SUSD1: variants seen among roughly 807,000 people sequenced by gnomAD.
The protein encoded by SUSD1 is sushi domain containing 1.
SUSD1 carries 65 observed loss-of-function variants against 86.9 expected under a neutral mutation model. The ratio of observed to expected loss-of-function variants is 0.75; its 90% CI spans 0.61 to 0.92. SUSD1 has a LOEUF of 0.92. Among genes scored for constraint, SUSD1 ranks in the 40% least tolerant of loss-of-function variants. SUSD1 has a pLI of 0.00. For missense variants in SUSD1, 850 were observed against 929.7 expected (o/e 0.91, Z 1.11); for synonymous variants, 346 against 350.0 (o/e 0.99, Z 0.13).
At chr9:112,155,965 GAAGGA>G (rs936248188) in intron 2 of SUSD1, among the ~76,000 whole-genome samples, 6 of 150,554 alleles carry the variant, frequency 4.0e-5, no homozygotes, top group African/African-American at 1.2e-4. Flanking sequence ...GGAAGGAAAA[GAAGGA>G]AAGGAGAGAG....
chr9:112,150,079 T>C (rs956585547), intron 2 of SUSD1, among the ~76,000 whole-genome samples: 2 of 152,210 alleles, frequency 1.3e-5, no homozygotes, highest in Non-Finnish European at 2.9e-5. Context: ...ATCTCTGCCC[T>C]CTAGCTCAGG....
chr9:112,078,511 A>T lies in SUSD1; in HGVS notation c.1753+27T>A. 2.5e-6 allele frequency: 4 copies of T among 1,590,688 alleles called. No individual in the cohort carries two copies. The South Asian group carries it at 3.3e-5, about 13-fold the overall frequency. On this transcript the variant is annotated intron_variant, in intron 12 of 16. Coordinates refer to ENST00000374270, the MANE Select transcript of SUSD1 (RefSeq NM_022486.5). The stretch of plus-strand genomic sequence containing the variant: ...GAACAATTCTGTGGTAACTTTGTTA[A>T]TCCAAATGCTGTTATTCAAGATTTA...
chr9:112,098,662 A>G lies in SUSD1; in HGVS notation c.1282T>C (p.Phe428Leu), dbSNP rs908888974. 1 of 1,614,166 alleles carries G rather than the reference A, an allele frequency of 6.2e-7. No individual in the cohort carries two copies. Among genetic ancestry groups the G allele is most frequent in the African/African-American group, 1.3e-5 (1 of 75,064 alleles). Residue 428 changes from phenylalanine (F) to leucine (L), a missense_variant and splice_region_variant, in exon 10 of 17, where the codon TTT becomes CTT. Coordinates refer to ENST00000374270, the MANE Select transcript of SUSD1 (RefSeq NM_022486.5). ...TACCACCTCTGACCCAGAACGGTAA[A>G]CTGTCATGAGATTAAAAGAAAGTGT... ...RKVGSEHMYQFTVLGQRWYLA... is the reference protein window; with the variant it reads ...RKVGSEHMYQLTVLGQRWYLA...
At chr9:112,137,881 A>G (rs1476651692) in intron 5 of SUSD1, 2 of 152,118 alleles carry the variant, frequency 1.3e-5, no homozygotes, top group Non-Finnish European at 2.9e-5. Flanking sequence ...ATGCAAATGC[A>G]TTAAGCATTC....
chr9:112,118,998 G>T (rs937587086), intron 6 of SUSD1, among the ~76,000 whole-genome samples: 2 of 152,122 alleles, frequency 1.3e-5, no homozygotes, highest in African/African-American at 4.8e-5. Flanking sequence ...ATTCAAGCTT[G>T]GAAGACACTG....
intron 10 of SUSD1, among the ~76,000 whole-genome samples, chr9:112,097,384 C>A (rs1348619168): frequency 2.7e-5 from 4 of 147,364 alleles, no homozygotes; most frequent in South Asian, 2.2e-4. Flanking sequence ...GTGTCTAACA[C>A]ATTTCAGAGT....
At chr9:112,086,540 AAG>A (rs1829987327) in intron 10 of SUSD1, among the ~76,000 whole-genome samples, 1 of 123,740 alleles carries the variant, frequency 8.1e-6, no homozygotes, top group African/African-American at 3.3e-5. Context: ...GAGAGAAAAA[AAG>A]AAAGAAAGAA....
At chr9:112,133,467 A>G (rs1461783671) in intron 5 of SUSD1, among the ~76,000 whole-genome samples, 1 of 152,232 alleles carries the variant, frequency 6.6e-6, no homozygotes, top group Non-Finnish European at 1.5e-5. Flanking sequence ...AGCAAAGGGG[A>G]AAGGACTCCC....
intron 14 of SUSD1, among the ~76,000 whole-genome samples, chr9:112,056,764 C>T (rs979008282): frequency 7.9e-5 from 12 of 151,922 alleles, no homozygotes; most frequent in African/African-American, 2.7e-4. Flanking sequence ...GTTGCCCAGG[C>T]TGGAGTGCAG....
At chr9:112,043,206 A>G (rs910032657) in intron 15 of SUSD1, among the ~76,000 whole-genome samples, 1 of 152,228 alleles carries the variant, frequency 6.6e-6, no homozygotes, top group Non-Finnish European at 1.5e-5. Flanking sequence ...TAGGGGTCCT[A>G]CAGCTGGAAG....
chr9:112,057,061 A>G (rs1828482049), intron 14 of SUSD1, among the ~76,000 whole-genome samples: 1 of 152,196 alleles, frequency 6.6e-6, no homozygotes, highest in South Asian at 2.1e-4. Context: ...AGAAGAGATT[A>G]TAAGCCTGGA....
In SUSD1 at chr9:112,078,521, T is replaced by A; in HGVS notation, c.1753+17A>T. 5.0e-6 allele frequency: 8 copies of A among 1,597,176 alleles called. No individual in the cohort carries two copies. The highest frequency in any genetic ancestry group is 6.9e-6 in the Non-Finnish European group (8 of 1,166,446). ...GTGGTAACTTTGTTAATCCAAATGC[T>A]GTTATTCAAGATTTACCTGTTATCT... On this transcript the variant is annotated intron_variant, in intron 12 of 16. Transcript: ENST00000374270.
Position 112,157,501 on chromosome 9 carries a change from A to G in SUSD1, c.216T>C (p.Val72=), listed in dbSNP as rs1833380401. The stretch of plus-strand genomic sequence containing the variant: ...CTTAACCCAGAGTTCAGAACTTACC[A>G]ACACACTGAGTCCTCCCGTTCCCTA... ...GFVGNGRTQC[V]DKNECQFGAT... is the part of the protein sequence containing the mutation. The change falls in exon 2 of 17, where the codon GTT becomes GTC. Residue 72 remains valine, a splice_region_variant and synonymous_variant. Coordinates refer to ENST00000374270, the MANE Select transcript of SUSD1 (RefSeq NM_022486.5). 1 of 1,610,604 alleles carries G rather than the reference A, an allele frequency of 6.2e-7. No homozygotes were observed. The highest frequency in any genetic ancestry group is 1.1e-5 in the South Asian group (1 of 90,884).
At chr9:112,097,019 T>TA (rs5899984) in intron 10 of SUSD1, among the ~76,000 whole-genome samples, 70,800 of 151,226 alleles carry the variant, frequency 0.47, 17,001 homozygotes, top group East Asian at 0.77. Context: ...CTCAATCTGA[T>TA]AAAAAAAATA....
chr9:112,162,552 A>T (rs1024439409), intron 1 of SUSD1, among the ~76,000 whole-genome samples: 1 of 152,254 alleles, frequency 6.6e-6, no homozygotes, highest in Admixed American at 6.5e-5. Context: ...CACTGAAGTC[A>T]CATATAAATG....
In SUSD1 at chr9:112,069,691, G is replaced by A. The variant is rs531247884; in HGVS notation, c.1754-6658C>T. On this transcript the variant is annotated intron_variant, in intron 12 of 16. Coordinates refer to ENST00000374270, the MANE Select transcript of SUSD1 (RefSeq NM_022486.5). ...TGAGAACTCCGCCCCACCCCACCCC[G>A]CCCCGCCCCCACCAGCTCTTTACTC... Among the ~76,000 whole-genome samples the A allele has an allele frequency of 1.3e-3, 90 of 66,684 alleles. No individual in the cohort carries two copies. In the East Asian group the frequency reaches 0.031, roughly 23 times the overall value. 43.7% of individuals were successfully genotyped at this position (66,684 alleles called of 152,430 possible).
chr9:112,093,132 A>C (rs1206461053), intron 10 of SUSD1, among the ~76,000 whole-genome samples: 3 of 152,212 alleles, frequency 2.0e-5, no homozygotes, highest in African/African-American at 7.2e-5. Flanking sequence ...AGTGTATTAA[A>C]GGTTGCTATT....
chr9:112,108,060 AAAC>A (rs2131634763), intron 8 of SUSD1, among the ~76,000 whole-genome samples: 1 of 152,344 alleles, frequency 6.6e-6, no homozygotes, highest in East Asian at 1.9e-4. Flanking sequence ...TAAAACTAGA[AAAC>A]AACAACACAG....
At chr9:112,093,489 C>G (rs926708563) in intron 10 of SUSD1, among the ~76,000 whole-genome samples, 1 of 152,142 alleles carries the variant, frequency 6.6e-6, no homozygotes, top group African/African-American at 2.4e-5. Flanking sequence ...ACCCAACTGC[C>G]CATATTTCCA....
Sources: gnomAD v4.1 joint callset for allele counts (sites outside exome capture counted in the v4.1 genomes callset) on GRCh38, gnomAD v4.1.1 for gene constraint, MANE v1.5 for transcripts, NCBI Gene and HGNC (gene_info 2026-07-23, HGNC 2026-07-21) for gene names.